Variants in COL13A1 observed in about 807,000 individuals in gnomAD.
COL13A1 encodes collagen alpha-1(XIII) chain.
COL13A1 carries 89 observed loss-of-function variants against 130.9 expected under a neutral mutation model. The ratio of observed to expected loss-of-function variants is 0.68; its 90% CI spans 0.57 to 0.81. The LOEUF (loss-of-function observed/expected upper bound fraction) is 0.81. Ranked by LOEUF, COL13A1 falls within the 30% of genes least tolerant of loss-of-function variation. The pLI, the probability that COL13A1 is intolerant of heterozygous loss-of-function variation, is 0.00. For synonymous variants in COL13A1, 402 were observed against 341.6 expected, an observed-to-expected ratio of 1.18 and a Z score of -1.95; for missense variants, 879 against 934.6, an observed-to-expected ratio of 0.94 and a Z score of 0.78.
rs551299148 is a variant in COL13A1, at chr10:69,891,754, A to C, written c.603+2314A>C. On this transcript the variant is annotated intron_variant, in intron 10 of 40. Coordinates refer to ENST00000645393, the MANE Select transcript of COL13A1 (RefSeq NM_001368882.1). ...ACCGTAAGGCAGCCCATGGCCCCCC[A>C]GAAGTAATAATAATGGTCATCCTCT... Among the ~76,000 whole-genome samples the C allele has an allele frequency of 7.9e-5, 12 of 152,296 alleles. 1 individual carries two copies. The South Asian group carries it at 2.5e-3, about 32-fold the overall frequency.
intron 34 of COL13A1, among the ~76,000 whole-genome samples, chr10:69,938,636 G>A (rs3793822): frequency 0.15 from 23,013 of 152,156 alleles, 2,384 homozygotes; most frequent in East Asian, 0.35. Context: ...ACCCCAGGTA[G>A]CCATAAAGAG....
chr10:69,821,626 G>C (rs183671777), intron 1 of COL13A1, among the ~76,000 whole-genome samples: 1,842 of 152,332 alleles, frequency 0.012, 50 homozygotes, highest in African/African-American at 0.042. Context: ...TTAATGGCTA[G>C]TCTGGCCAAC....
intron 38 of COL13A1, among the ~76,000 whole-genome samples, chr10:69,949,654 C>G (rs74139247): frequency 6.6e-6 from 1 of 152,182 alleles, no homozygotes; most frequent in South Asian, 2.1e-4. Context: ...GGGACACACA[C>G]GCCAGTGGAA....
chr10:69,826,358 A>T (rs1166108498), intron 2 of COL13A1, among the ~76,000 whole-genome samples: 1 of 152,222 alleles, frequency 6.6e-6, no homozygotes, highest in Admixed American at 6.5e-5. Flanking sequence ...TCCAAGGGAA[A>T]GGGTAGGCCA....
At chr10:69,902,528 G>A (rs2062301826) in intron 14 of COL13A1, among the ~76,000 whole-genome samples, 1 of 152,156 alleles carries the variant, frequency 6.6e-6, no homozygotes, top group Admixed American at 6.5e-5. Flanking sequence ...CCCACCTTCA[G>A]GGACCTAACA....
chr10:69,803,732 A>G (rs1840698141), intron 1 of COL13A1, among the ~76,000 whole-genome samples: 1 of 150,972 alleles, frequency 6.6e-6, no homozygotes, highest in African/African-American at 2.4e-5. Flanking sequence ...TCACGGTGGT[A>G]GAGGCCAGCA....
intron 10 of COL13A1, among the ~76,000 whole-genome samples, chr10:69,889,671 G>C (rs1378588683): frequency 6.6e-6 from 1 of 152,220 alleles, no homozygotes; most frequent in Non-Finnish European, 1.5e-5. Flanking sequence ...GATCCAGAGA[G>C]AGTGCACACC....
At chr10:69,849,371 G>A (rs1426563782) in intron 2 of COL13A1, among the ~76,000 whole-genome samples, 3 of 152,180 alleles carry the variant, frequency 2.0e-5, no homozygotes, top group Non-Finnish European at 4.4e-5. Context: ...CCGCAGCAGT[G>A]CCCCCTGATC....
At chr10:69,949,243 C>T (rs757035994) in intron 38 of COL13A1, among the ~76,000 whole-genome samples, 3 of 152,160 alleles carry the variant, frequency 2.0e-5, no homozygotes, top group Admixed American at 6.5e-5. Flanking sequence ...AGTGCAATGG[C>T]GCGATCTCAG....
At position 69,863,603 on chromosome 10, in the gene COL13A1, T is replaced by A. The variant is rs182775612; in HGVS notation, c.365-4195T>A. ...ACCAGGACTGGATCCAGCGACTGGG[T>A]GGCACCAAGTCCAGGGTCGAGGGGG... On this transcript the variant is annotated intron_variant, in intron 2 of 40. Coordinates refer to ENST00000645393, the MANE Select transcript of COL13A1 (RefSeq NM_001368882.1). Among the ~76,000 whole-genome samples, 557 of 152,178 alleles carry A rather than the reference T, an allele frequency of 3.7e-3. 5 individuals carry two copies. The highest frequency in any genetic ancestry group is 0.013 in the African/African-American group (537 of 41,510).
At chr10:69,860,481 A>T (rs957255479) in intron 2 of COL13A1, among the ~76,000 whole-genome samples, 1 of 151,982 alleles carries the variant, frequency 6.6e-6, no homozygotes, top group Non-Finnish European at 1.5e-5. Context: ...ATTCTGAGGA[A>T]CTCAGCCACT....
intron 2 of COL13A1, among the ~76,000 whole-genome samples, chr10:69,838,094 G>A (rs996694970): frequency 6.6e-6 from 1 of 152,204 alleles, no homozygotes; most frequent in East Asian, 1.9e-4. Context: ...CCTTGGGCAG[G>A]GCAAGGTCTG....
chr10:69,823,669 G>A (rs1013929527), intron 2 of COL13A1, among the ~76,000 whole-genome samples: 7 of 152,216 alleles, frequency 4.6e-5, no homozygotes, highest in Non-Finnish European at 8.8e-5. Flanking sequence ...ATGGGCTGGG[G>A]TGGGAGTCAC....
intron 38 of COL13A1, 22 bp downstream of exon 38, chr10:69,947,364 C>G: frequency 1.2e-6 from 2 of 1,600,076 alleles, no homozygotes; most frequent in South Asian, 1.1e-5. Flanking sequence ...CCCCTGCACT[C>G]GTGCTCTAGT....
intron 2 of COL13A1, among the ~76,000 whole-genome samples, chr10:69,854,818 T>C (rs1312031473): frequency 1.3e-5 from 2 of 152,186 alleles, no homozygotes; most frequent in African/African-American, 4.8e-5. Flanking sequence ...CCTGTGGTAT[T>C]TGCAATTCCA....
chr10:69,847,944 C>T (rs553073098), intron 2 of COL13A1, among the ~76,000 whole-genome samples: 1 of 152,360 alleles, frequency 6.6e-6, no homozygotes, highest in African/African-American at 2.4e-5. Context: ...ATAAGAGACC[C>T]TTCTGAGACC....
chr10:69,831,906 T>A (rs180831013), intron 2 of COL13A1, among the ~76,000 whole-genome samples: 73 of 152,290 alleles, frequency 4.8e-4, no homozygotes, highest in Admixed American at 1.4e-3. Flanking sequence ...AAAATGGGAA[T>A]GACAGCACCT....
chr10:69,854,723 T>C (rs1855916748), intron 2 of COL13A1, among the ~76,000 whole-genome samples: 1 of 152,056 alleles, frequency 6.6e-6, no homozygotes, highest in Admixed American at 6.6e-5. Context: ...ATTGATTGGT[T>C]GTGGTTGCCA....
chr10:69,858,926 G>A (rs1857211853), intron 2 of COL13A1, among the ~76,000 whole-genome samples: 1 of 152,212 alleles, frequency 6.6e-6, no homozygotes, highest in South Asian at 2.1e-4. Flanking sequence ...TCTCTGCACA[G>A]CCACAAGAGC....
Sources: gnomAD v4.1 joint callset for allele counts (sites outside exome capture counted in the v4.1 genomes callset) on GRCh38, gnomAD v4.1.1 for gene constraint, MANE v1.5 for transcripts, NCBI Gene and HGNC (gene_info 2026-07-23, HGNC 2026-07-21) for gene names.